The following ANK3 variants were observed in gnomAD, a reference collection of about 807,000 sequenced individuals.
ANK3 encodes the protein ankyrin 3, also known as ankyrin-3.
In ANK3, 57 loss-of-function variants were observed where a neutral mutation model predicts 370.9. That is an observed-to-expected ratio of 0.15 (90% CI 0.12 to 0.19). The LOEUF (loss-of-function observed/expected upper bound fraction) is 0.19. ANK3 is among the 10% of genes least tolerant of loss of function. The pLI, the probability that ANK3 is intolerant of heterozygous loss-of-function variation, is 1.00. For missense variants in ANK3, 4,439 were observed against 5,302.1 expected (o/e 0.84, Z 5.06); for synonymous variants, 1,929 against 1,946.3 (o/e 0.99, Z 0.23).
intron 2 of ANK3, among the ~76,000 whole-genome samples, chr10:60,584,610 C>T (rs1029278782): frequency 1.3e-5 from 2 of 152,004 alleles, no homozygotes; most frequent in Non-Finnish European, 2.9e-5. Context: ...GAGCAAGACC[C>T]CATCTCCTAA....
At chr10:60,142,019 C>T (rs889933213) in intron 23 of ANK3, among the ~76,000 whole-genome samples, 2 of 152,136 alleles carry the variant, frequency 1.3e-5, no homozygotes, top group African/African-American at 4.8e-5. Flanking sequence ...GAATGTTCAT[C>T]GACTTTTTAA....
At chr10:60,335,717 C>T (rs1173815464) in intron 1 of ANK3, among the ~76,000 whole-genome samples, 1 of 152,170 alleles carries the variant, frequency 6.6e-6, no homozygotes, top group Non-Finnish European at 1.5e-5. Flanking sequence ...GGCAGGACAT[C>T]ATCCATATCA....
chr10:60,310,174 C>T (rs959068081), intron 1 of ANK3, among the ~76,000 whole-genome samples: 2 of 152,032 alleles, frequency 1.3e-5, no homozygotes, highest in African/African-American at 2.4e-5. Flanking sequence ...ATCCTCCTGC[C>T]TCGGCCTCCC....
chr10:60,378,691 T>A (rs1566935605), intron 1 of ANK3, among the ~76,000 whole-genome samples: 2 of 151,920 alleles, frequency 1.3e-5, no homozygotes, highest in African/African-American at 4.8e-5. Context: ...TTACCCTACA[T>A]AAAAATCAGC....
intron 28 of ANK3, among the ~76,000 whole-genome samples, chr10:60,097,064 G>A (rs966101507): frequency 6.6e-6 from 1 of 152,204 alleles, no homozygotes; most frequent in Non-Finnish European, 1.5e-5. Context: ...TTGGCCAGGA[G>A]GAAGATTGAA....
intron 1 of ANK3, among the ~76,000 whole-genome samples, chr10:60,376,129 G>A (rs536831310): frequency 5.9e-5 from 9 of 152,054 alleles, no homozygotes. Flanking sequence ...AACCCAAGCC[G>A]GTCTGCCTCC....
intron 2 of ANK3, among the ~76,000 whole-genome samples, chr10:60,417,685 A>AG (rs1477257097): frequency 6.6e-6 from 1 of 152,186 alleles, no homozygotes; most frequent in Non-Finnish European, 1.5e-5. Flanking sequence ...GTACTACTGG[A>AG]GGGACACAGA....
chr10:60,382,069 G>A (rs1014247438), intron 1 of ANK3, among the ~76,000 whole-genome samples: 1 of 152,124 alleles, frequency 6.6e-6, no homozygotes, highest in African/African-American at 2.4e-5. Flanking sequence ...TAGGGTAAAA[G>A]AATGCTATTC....
chr10:60,391,258 G>A (rs559797883), upstream of ANK3, among the ~76,000 whole-genome samples: 35 of 152,262 alleles, frequency 2.3e-4, no homozygotes, highest in African/African-American at 7.9e-4. Flanking sequence ...TATGTGCACC[G>A]ATGCTCACAT....
chr10:60,435,421 T>G (rs1013315079), intron 2 of ANK3, among the ~76,000 whole-genome samples: 1 of 152,212 alleles, frequency 6.6e-6, no homozygotes, highest in African/African-American at 2.4e-5. Flanking sequence ...TAGAACAATC[T>G]TTCCTCTAGG....
intron 1 of ANK3, among the ~76,000 whole-genome samples, chr10:60,350,137 A>G (rs1335098495): frequency 1.3e-5 from 2 of 152,232 alleles, no homozygotes; most frequent in African/African-American, 4.8e-5. Context: ...TAAGAAATTT[A>G]CACTCTAGGA....
intron 2 of ANK3, among the ~76,000 whole-genome samples, chr10:60,505,255 A>G (rs372577385): frequency 6.6e-6 from 1 of 152,230 alleles, no homozygotes; most frequent in South Asian, 2.1e-4. Flanking sequence ...ACTATTATAC[A>G]TAGTGTTAAT....
intron 2 of ANK3, among the ~76,000 whole-genome samples, chr10:60,400,699 A>G (rs540338683): frequency 3.1e-4 from 47 of 152,212 alleles, no homozygotes; most frequent in Non-Finnish European, 5.7e-4. Context: ...CTTGAATTAT[A>G]TTTTATTTAT....
At chr10:60,235,629 G>A (rs566992054) in intron 7 of ANK3, among the ~76,000 whole-genome samples, 56 of 136,510 alleles carry the variant, frequency 4.1e-4, no homozygotes, top group South Asian at 2.4e-3. Flanking sequence ...TCAAATTCCC[G>A]AGCTCCAACG....
At chr10:60,669,698 G>A (rs2079042245) in intron 1 of ANK3, among the ~76,000 whole-genome samples, 1 of 152,118 alleles carries the variant, frequency 6.6e-6, no homozygotes, top group Admixed American at 6.5e-5. Flanking sequence ...GGTTTTCCTT[G>A]ACTCCCCCTC....
chr10:60,429,524 A>T (rs111506365), intron 2 of ANK3, among the ~76,000 whole-genome samples: 1,601 of 152,270 alleles, frequency 0.011, 31 homozygotes, highest in African/African-American at 0.037. Context: ...ATAAGAAGTG[A>T]GTATAAGAAA....
intron 2 of ANK3, among the ~76,000 whole-genome samples, chr10:60,469,681 G>A (rs77753037): frequency 0.23 from 13,574 of 58,338 alleles, 1,808 homozygotes; most frequent in Non-Finnish European, 0.29. Context: ...ATATATATAT[G>A]GTGGTATATA....
At chr10:60,543,024 A>G (rs1467911982) in intron 2 of ANK3, among the ~76,000 whole-genome samples, 1 of 151,996 alleles carries the variant, frequency 6.6e-6, no homozygotes, top group African/African-American at 2.4e-5. Context: ...GTAAAATGTC[A>G]TATTTTAAAT....
chr10:60,190,303 A>G (rs2096452944), intron 16 of ANK3, among the ~76,000 whole-genome samples: 3 of 152,172 alleles, frequency 2.0e-5, no homozygotes, highest in Non-Finnish European at 2.9e-5. Flanking sequence ...ATCATGCCCT[A>G]TTGAGGCTCT....
Sources: gnomAD v4.1 joint callset for allele counts (sites outside exome capture counted in the v4.1 genomes callset) on GRCh38, gnomAD v4.1.1 for gene constraint, MANE v1.5 for transcripts, NCBI Gene and HGNC (gene_info 2026-07-23, HGNC 2026-07-21) for gene names.